Variants in PARVA observed in about 807,000 individuals in gnomAD.
PARVA encodes alpha-parvin.
In PARVA, 25 loss-of-function variants were observed where a neutral mutation model predicts 52.6. That is an observed-to-expected ratio of 0.48 (90% CI 0.35 to 0.66). The LOEUF (loss-of-function observed/expected upper bound fraction) is 0.66, where lower values mean the gene tolerates loss of function less well. Among genes scored for constraint, PARVA ranks in the 30% least tolerant of loss-of-function variants. PARVA has a pLI of 0.01. For missense variants in PARVA, 373 were observed against 450.9 expected, an observed-to-expected ratio of 0.83 and a Z score of 1.56; for synonymous variants, 185 against 179.1, an observed-to-expected ratio of 1.03 and a Z score of -0.26.
chr11:12,505,302 C>T (rs936800225), intron 6 of PARVA, among the ~76,000 whole-genome samples: 2 of 152,134 alleles, frequency 1.3e-5, no homozygotes, highest in Non-Finnish European at 2.9e-5. Context: ...AGTGGCTCTG[C>T]CATCCCTTGA....
intron 1 of PARVA, among the ~76,000 whole-genome samples, chr11:12,430,986 C>T (rs1056593452): frequency 6.6e-6 from 1 of 152,222 alleles, no homozygotes; most frequent in African/African-American, 2.4e-5. Context: ...AAAACAAGCT[C>T]CTCCTGGCTC....
chr11:12,459,174 C>G (rs1940739341), intron 1 of PARVA, among the ~76,000 whole-genome samples: 1 of 151,998 alleles, frequency 6.6e-6, no homozygotes, highest in Non-Finnish European at 1.5e-5. Flanking sequence ...AGCCTGTAAT[C>G]CCAGCATTTT....
chr11:12,496,399 C>T, intron 4 of PARVA, 59 bp from the exon 5 acceptor site: 1 of 1,467,144 alleles, frequency 6.8e-7, no homozygotes, highest in Non-Finnish European at 9.3e-7. Context: ...TAAGTGCATG[C>T]AGTAGGGTTG....
At chr11:12,420,599 G>A (rs1291532915) in intron 1 of PARVA, among the ~76,000 whole-genome samples, 2 of 152,138 alleles carry the variant, frequency 1.3e-5, no homozygotes, top group Non-Finnish European at 2.9e-5. Context: ...TGGAAGTAAG[G>A]ATTGTCCTTT....
In PARVA at chr11:12,513,279, T is replaced by C. The variant is rs375084130; in HGVS notation, c.737-20T>C. 1 of 1,612,258 alleles carries C rather than the reference T, an allele frequency of 6.2e-7. No homozygotes were observed. Among genetic ancestry groups the C allele is most frequent in the Non-Finnish European group, 8.5e-7 (1 of 1,178,512 alleles). Reference sequence around the variant, plus strand: ...AGGGATCAGCTCTTGTGCTCCACATTGTGTTTCCCTCTTTTTCAGAACGTG... The same window carrying C: ...AGGGATCAGCTCTTGTGCTCCACATCGTGTTTCCCTCTTTTTCAGAACGTG... On this transcript the variant is annotated intron_variant, in intron 8 of 12. Coordinates refer to ENST00000334956, the MANE Select transcript of PARVA (RefSeq NM_018222.5).
chr11:12,449,954 CTA>C (rs1206117910), intron 1 of PARVA, among the ~76,000 whole-genome samples: 1 of 152,228 alleles, frequency 6.6e-6, no homozygotes, highest in African/African-American at 2.4e-5. Context: ...CCACTAGCGA[CTA>C]ACATTGATCA....
intron 1 of PARVA, among the ~76,000 whole-genome samples, chr11:12,428,813 G>T (rs1337145888): frequency 6.6e-6 from 1 of 152,118 alleles, no homozygotes; most frequent in Non-Finnish European, 1.5e-5. Context: ...AAACGAGAAG[G>T]AACATAAATT....
chr11:12,509,216 C>A (rs61477306), intron 7 of PARVA, among the ~76,000 whole-genome samples: 6,479 of 151,954 alleles, frequency 0.043, 398 homozygotes, highest in African/African-American at 0.14. Flanking sequence ...CCGAGAACTG[C>A]ACCCTGGCCC....
At chr11:12,479,721 A>T (rs371123581) in intron 4 of PARVA, 1 of 152,234 alleles carries the variant, frequency 6.6e-6, no homozygotes, top group African/African-American at 2.4e-5. Flanking sequence ...ATATATGTAT[A>T]GGTGTGTAGA....
At chr11:12,503,739 A>C (rs1324386310) in intron 5 of PARVA, among the ~76,000 whole-genome samples, 1 of 152,100 alleles carries the variant, frequency 6.6e-6, no homozygotes, top group Non-Finnish European at 1.5e-5. Flanking sequence ...GCTTCAAAAA[A>C]AAAGAAAGAT....
intron 4 of PARVA, among the ~76,000 whole-genome samples, chr11:12,491,534 T>C (rs994593015): frequency 6.6e-6 from 1 of 152,180 alleles, no homozygotes; most frequent in Non-Finnish European, 1.5e-5. Flanking sequence ...TAATTATGTA[T>C]ACAGGACTAA....
intron 4 of PARVA, among the ~76,000 whole-genome samples, chr11:12,481,896 G>C (rs569866540): frequency 5.3e-5 from 8 of 152,226 alleles, no homozygotes; most frequent in Non-Finnish European, 8.8e-5. Flanking sequence ...AGGGCCAGGC[G>C]TGGTGGCTCA....
intron 4 of PARVA, among the ~76,000 whole-genome samples, chr11:12,484,806 GA>G (rs1423529892): frequency 3.3e-4 from 42 of 127,210 alleles, no homozygotes; most frequent in Middle Eastern, 4.3e-3. Flanking sequence ...GATTTTTGTT[GA>G]CTTTTTTTTT....
At chr11:12,439,391 G>T (rs977438836) in intron 1 of PARVA, among the ~76,000 whole-genome samples, 1 of 152,172 alleles carries the variant, frequency 6.6e-6, no homozygotes, top group Admixed American at 6.5e-5. Context: ...ACCTCCTGTG[G>T]ACTCTGCCCG....
At chr11:12,405,000 G>A (rs377648306) in intron 1 of PARVA, among the ~76,000 whole-genome samples, 51 of 152,324 alleles carry the variant, frequency 3.3e-4, no homozygotes, top group African/African-American at 1.2e-3. Flanking sequence ...GGCTGGGTCA[G>A]CTACCGTCTG....
chr11:12,426,510 T>C (rs1160253457), intron 1 of PARVA, among the ~76,000 whole-genome samples: 1 of 151,640 alleles, frequency 6.6e-6, no homozygotes, highest in African/African-American at 2.4e-5. Context: ...TTTTCAGAGA[T>C]GTTTCAAAGT....
intron 1 of PARVA, among the ~76,000 whole-genome samples, chr11:12,469,273 T>A (rs1940898019): frequency 6.6e-6 from 1 of 152,130 alleles, no homozygotes; most frequent in South Asian, 2.1e-4. Context: ...AGACCACATA[T>A]CCCTGGAAAC....
intron 4 of PARVA, among the ~76,000 whole-genome samples, chr11:12,486,252 G>T (rs757858443): frequency 1.3e-5 from 2 of 152,142 alleles, no homozygotes; most frequent in Non-Finnish European, 2.9e-5. Context: ...TAAAATAAAG[G>T]GCTGGGCGCC....
intron 4 of PARVA, among the ~76,000 whole-genome samples, chr11:12,494,346 A>C (rs1207222659): frequency 6.6e-6 from 1 of 152,184 alleles, no homozygotes; most frequent in Middle Eastern, 3.2e-3. Flanking sequence ...ATGAGGCTGA[A>C]TGTTCCAATC....
Sources: gnomAD v4.1 joint callset for allele counts (sites outside exome capture counted in the v4.1 genomes callset) on GRCh38, gnomAD v4.1.1 for gene constraint, MANE v1.5 for transcripts, NCBI Gene and HGNC (gene_info 2026-07-23, HGNC 2026-07-21) for gene names.